Variants in ATAT1 observed in about 807,000 individuals in gnomAD.
ATAT1 encodes alpha tubulin acetyltransferase 1, also known as alpha-tubulin N-acetyltransferase 1.
Under a neutral mutation model 57.2 loss-of-function variants are expected in ATAT1, and 42 were observed. That is an observed-to-expected ratio of 0.73 (90% CI 0.57 to 0.95). The LOEUF is 0.95. Among genes scored for constraint, ATAT1 ranks in the 40% least tolerant of loss-of-function variants. ATAT1 has a pLI of 0.00. For synonymous variants in ATAT1, 168 were observed against 187.1 expected (o/e 0.90, Z 0.83); for missense variants, 454 against 523.7 (o/e 0.87, Z 1.30).
Position 30,646,542 on chromosome 6 carries a change from GC to G in ATAT1, c.1133del (p.Pro378ArgfsTer58). ...GCCCATGCACACAGCTCCTCCACAG[GC>G]CCCGGCCCCGCCAGCCCAGTCCTGG... is the stretch of plus-strand genomic sequence containing the variant. On this transcript the variant is annotated frameshift_variant, in exon 13 of 13. Transcript: ENST00000330083. LOFTEE classifies it high-confidence loss of function. 6.3e-7 allele frequency: 1 copy of G among 1,585,662 alleles called. No individual in the cohort carries two copies. Among genetic ancestry groups the G allele is most frequent in the Non-Finnish European group, 8.6e-7 (1 of 1,166,268 alleles).
At chr6:30,643,729 AACTGCCTAAC>A in intron 10 of ATAT1, 2 of 1,430,266 alleles carry the variant, frequency 1.4e-6, no homozygotes, top group Admixed American at 5.2e-5. Flanking sequence ...CAGGGTCTCA[AACTGCCTAAC>A]ACTTTGTAGC....
chr6:30,646,371 T>G, intron 12 of ATAT1, 98 bp from the exon 13 acceptor site: 2 of 1,450,318 alleles, frequency 1.4e-6, no homozygotes, highest in South Asian at 2.9e-5. Flanking sequence ...CCATCATGTG[T>G]CCTACATTAA....
At chr6:30,644,248 G>C in intron 10 of ATAT1, 1 of 985,870 alleles carries the variant, frequency 1.0e-6, no homozygotes, top group Non-Finnish European at 1.2e-6. Context: ...CCCAGATCCA[G>C]ATTCTCTGAG....
intron 8 of ATAT1, among the ~76,000 whole-genome samples, chr6:30,641,335 G>T (rs1327116060): frequency 1.3e-5 from 2 of 152,194 alleles, no homozygotes; most frequent in African/African-American, 4.8e-5. Context: ...GTCAGGCACT[G>T]AGAGGCACCT....
At chr6:30,628,918 T>TC (rs1762248755) in intron 6 of ATAT1, among the ~76,000 whole-genome samples, 1 of 150,908 alleles carries the variant, frequency 6.6e-6, no homozygotes, top group Non-Finnish European at 1.5e-5. Flanking sequence ...TTTTTTTTTT[T>TC]CAAAGCAGAG....
At chr6:30,643,100 T>G (rs1765873514) in intron 10 of ATAT1, 89 bp downstream of exon 10, 1 of 1,517,538 alleles carries the variant, frequency 6.6e-7, no homozygotes, top group East Asian at 2.3e-5. Context: ...ATCAGAGAGA[T>G]GGATCAATAA....
At chr6:30,636,456 G>A (rs1322371083) in intron 6 of ATAT1, among the ~76,000 whole-genome samples, 1 of 152,062 alleles carries the variant, frequency 6.6e-6, no homozygotes, top group East Asian at 1.9e-4. Context: ...CGTGGTGGCA[G>A]GCGCCTGTAG....
chr6:30,643,821 C>G (rs1189280394), intron 10 of ATAT1: 1 of 1,329,420 alleles, frequency 7.5e-7, no homozygotes, highest in Non-Finnish European at 9.6e-7. Context: ...GAAGTCTGAT[C>G]TGTTGCCAGA....
At position 30,645,958 on chromosome 6, in the gene ATAT1, C is replaced by A. The variant is rs756002179; in HGVS notation, c.996C>A (p.Ser332=). Residue 332 remains serine, a synonymous_variant, in exon 11 of 13, where the codon TCC becomes TCA. Coordinates refer to ENST00000330083, the MANE Select transcript of ATAT1 (RefSeq NM_001031722.4). ...ACAGCCGCCATGGGGGGGTGAATTC[C>A]TCATCCCCCAATACAGGTAAGTATT... is the stretch of plus-strand genomic sequence containing the variant. 2.1e-5 allele frequency: 32 copies of A among 1,549,886 alleles called. No individual in the cohort carries two copies. Among genetic ancestry groups the A allele is most frequent in the Non-Finnish European group, 2.8e-5 (32 of 1,147,300 alleles).
At chr6:30,627,347 G>A in intron 1 of ATAT1, 113 bp from the exon 2 acceptor site, 1 of 1,609,918 alleles carries the variant, frequency 6.2e-7, no homozygotes, top group Admixed American at 1.7e-5. Flanking sequence ...CAAAGGCAGG[G>A]AGCCTTCAGT....
At chr6:30,642,320 C>T in intron 9 of ATAT1, 73 bp downstream of exon 9, 8 of 1,595,106 alleles carry the variant, frequency 5.0e-6, no homozygotes, top group Non-Finnish European at 6.9e-6. Flanking sequence ...TCAGGGGACC[C>T]AGGGAAAGGA....
chr6:30,642,676 T>G, intron 9 of ATAT1, 92 bp from the exon 10 acceptor site: 10 of 846,906 alleles, frequency 1.2e-5, no homozygotes, highest in Admixed American at 2.3e-5. Context: ...AAGACTCAGA[T>G]TTCTCTTTTT....
In ATAT1 at chr6:30,626,874, G is replaced by A. The variant is rs1259617754; in HGVS notation, c.-330G>A. ...CGTCGTGTGGGGCGGGTCCGACCGC[G>A]CACAATGGGCCATGGAGTTCCCGTT... On this transcript the variant is annotated 5_prime_UTR_variant, in exon 1 of 13. Transcript: ENST00000330083. 3.1e-6 allele frequency: 5 copies of A among 1,599,568 alleles called. No individual in the cohort carries two copies. The highest frequency in any genetic ancestry group is 1.3e-5 in the African/African-American group (1 of 74,812).
intron 6 of ATAT1, among the ~76,000 whole-genome samples, chr6:30,638,237 G>A (rs1266468408): frequency 6.6e-6 from 1 of 151,946 alleles, no homozygotes; most frequent in African/African-American, 2.4e-5. Context: ...TATTGCCCAG[G>A]CTGGTCTTGA....
Position 30,642,805 on chromosome 6 carries a change from CA to C in ATAT1, c.727del (p.Arg243GlyfsTer76). ...CTGTGGAGCCTCCTTGGCCCCTAAA[CA>C]GGGCCCCTCGCCGCGCCACACCTCC... On this transcript the variant is annotated frameshift_variant, in exon 10 of 13. Transcript: ENST00000330083. LOFTEE classifies it high-confidence loss of function. The C allele has an allele frequency of 6.2e-7, 1 of 1,612,258 alleles. No individual in the cohort carries two copies.
chr6:30,633,290 T>C (rs13201129), intron 6 of ATAT1, among the ~76,000 whole-genome samples: 19,194 of 152,104 alleles, frequency 0.13, 1,695 homozygotes, highest in Non-Finnish European at 0.16. Context: ...CAGGTTTGAG[T>C]AGACAGTTGG....
intron 8 of ATAT1, chr6:30,641,929 C>T: frequency 7.5e-7 from 1 of 1,326,272 alleles, no homozygotes; most frequent in Non-Finnish European, 9.7e-7. Context: ...CCCAGAGTCT[C>T]CCCTTCGATC....
intron 6 of ATAT1, among the ~76,000 whole-genome samples, chr6:30,632,972 G>C (rs1016678704): frequency 3.3e-5 from 5 of 151,744 alleles, no homozygotes; most frequent in African/African-American, 1.2e-4. Flanking sequence ...ACGGCAATAA[G>C]GGAGCCAGAG....
intron 10 of ATAT1, chr6:30,643,387 A>G (rs1466939801): frequency 1.4e-6 from 2 of 1,475,514 alleles, no homozygotes; most frequent in African/African-American, 2.8e-5. Context: ...TTGTGTGCCA[A>G]GAGTCCATCG....
Sources: allele counts gnomAD v4.1 joint callset (sites outside exome capture counted in the v4.1 genomes callset), GRCh38; gene constraint gnomAD v4.1.1; transcripts MANE v1.5; gene names NCBI Gene and HGNC (gene_info 2026-07-23, HGNC 2026-07-21).